TMEM132D: variants seen among roughly 807,000 people sequenced by gnomAD.
TMEM132D encodes mature OL transmembrane protein.
In TMEM132D, 21 loss-of-function variants were observed where a neutral mutation model predicts 62.3. The ratio of observed to expected loss-of-function variants is 0.34; its 90% CI spans 0.24 to 0.49. The LOEUF (loss-of-function observed/expected upper bound fraction) is 0.49. TMEM132D is among the 20% of genes least tolerant of loss of function. The pLI is 0.99. For missense variants in TMEM132D, 1,346 were observed against 1,402.8 expected, an observed-to-expected ratio of 0.96 and a Z score of 0.65; for synonymous variants, 621 against 575.6, an observed-to-expected ratio of 1.08 and a Z score of -1.13.
At chr12:129,386,377 T>C (rs1327930670) in intron 3 of TMEM132D, among the ~76,000 whole-genome samples, 1 of 151,788 alleles carries the variant, frequency 6.6e-6, no homozygotes, top group Non-Finnish European at 1.5e-5. Flanking sequence ...TAACACCAGC[T>C]CCAATGCTAA....
chr12:129,255,832 A>T (rs1880386058), intron 4 of TMEM132D, among the ~76,000 whole-genome samples: 1 of 152,194 alleles, frequency 6.6e-6, no homozygotes, highest in African/African-American at 2.4e-5. Context: ...TCTTTTACAG[A>T]AGCATCAGGA....
chr12:129,882,975 G>T (rs1874646564), intron 1 of TMEM132D, among the ~76,000 whole-genome samples: 1 of 152,266 alleles, frequency 6.6e-6, no homozygotes, highest in East Asian at 1.9e-4. Context: ...ATAGAGAAAA[G>T]ATGTATGCTC....
At chr12:129,731,170 G>A (rs1869223101) in intron 1 of TMEM132D, among the ~76,000 whole-genome samples, 1 of 151,944 alleles carries the variant, frequency 6.6e-6, no homozygotes, top group African/African-American at 2.4e-5. Flanking sequence ...GCTTTGTACG[G>A]TCTGAATCAC....
intron 3 of TMEM132D, among the ~76,000 whole-genome samples, chr12:129,395,984 ATT>A (rs1871418542): frequency 6.8e-6 from 1 of 147,208 alleles, no homozygotes; most frequent in Non-Finnish European, 1.5e-5. Context: ...ATAAATATAT[ATT>A]ATATAAAGTA....
chr12:129,894,226 G>A (rs1807942341), intron 1 of TMEM132D, among the ~76,000 whole-genome samples: 3 of 152,218 alleles, frequency 2.0e-5, no homozygotes, highest in African/African-American at 4.8e-5. Context: ...GCAAGAGAGC[G>A]TGTGGAGGAC....
At chr12:129,361,965 A>G (rs1307363681) in intron 3 of TMEM132D, among the ~76,000 whole-genome samples, 1 of 152,210 alleles carries the variant, frequency 6.6e-6, no homozygotes, top group African/African-American at 2.4e-5. Flanking sequence ...TTCAAAATCA[A>G]TCAAAATTGA....
intron 3 of TMEM132D, among the ~76,000 whole-genome samples, chr12:129,488,954 C>A (rs1026836341): frequency 6.6e-6 from 1 of 152,176 alleles, no homozygotes; most frequent in Admixed American, 6.5e-5. Flanking sequence ...TTGTTCAGAG[C>A]AGCGGCAGTT....
intron 4 of TMEM132D, among the ~76,000 whole-genome samples, chr12:129,260,672 C>A (rs1043197906): frequency 1.3e-5 from 2 of 152,196 alleles, no homozygotes; most frequent in Non-Finnish European, 2.9e-5. Context: ...CACTCTCAAC[C>A]TTTCCCTGTG....
At chr12:129,356,546 G>A (rs1870055906) in intron 3 of TMEM132D, among the ~76,000 whole-genome samples, 2 of 151,544 alleles carry the variant, frequency 1.3e-5, no homozygotes, top group African/African-American at 2.4e-5. Context: ...GGCCGGGCTC[G>A]GTGACTCATG....
rs1870598264 is a variant in TMEM132D, at chr12:129,371,467, G to A, written c.1116-33650C>T. ...TGATATTGATGATGGTGGTAATGACGATGATGATGTGATAATGGTGATAAA... is the reference window on the plus strand; with the variant it reads ...TGATATTGATGATGGTGGTAATGACAATGATGATGTGATAATGGTGATAAA... On this transcript the variant is annotated intron_variant, in intron 3 of 8. Transcript: ENST00000422113. The surrounding 1 kb of genome is among the most constrained non-coding windows in gnomAD (Gnocchi z 4.3). Among the ~76,000 whole-genome samples, 4 of 152,020 alleles carry A rather than the reference G, an allele frequency of 2.6e-5. 1 individual carries two copies. The South Asian group carries it at 6.3e-4, about 24-fold the overall frequency.
At chr12:129,218,336 C>T (rs1879265768) in intron 4 of TMEM132D, among the ~76,000 whole-genome samples, 1 of 152,150 alleles carries the variant, frequency 6.6e-6, no homozygotes, top group Non-Finnish European at 1.5e-5. Context: ...GCGATTTCAT[C>T]GTTGTGTGAA....
intron 1 of TMEM132D, among the ~76,000 whole-genome samples, chr12:129,778,205 TA>T (rs1871007900): frequency 2.0e-5 from 3 of 149,682 alleles, no homozygotes; most frequent in African/African-American, 4.9e-5. Flanking sequence ...AAAACACAAA[TA>T]TTTTTTATTT....
At chr12:129,815,610 G>A (rs958105532) in intron 1 of TMEM132D, among the ~76,000 whole-genome samples, 11 of 152,238 alleles carry the variant, frequency 7.2e-5, no homozygotes, top group Non-Finnish European at 1.3e-4. Context: ...TTAGATGCAC[G>A]TGCAACAGAT....
chr12:129,708,643 A>T (rs1265142540), intron 1 of TMEM132D, among the ~76,000 whole-genome samples: 1 of 133,434 alleles, frequency 7.5e-6, no homozygotes, highest in Non-Finnish European at 1.5e-5. Flanking sequence ...ACACACACAC[A>T]CACACACACA....
At chr12:129,628,919 T>C (rs1284517958) in intron 2 of TMEM132D, among the ~76,000 whole-genome samples, 1 of 151,610 alleles carries the variant, frequency 6.6e-6, no homozygotes, top group African/African-American at 2.4e-5. Context: ...CCTTCATTTC[T>C]ATCTCTCTTT....
At chr12:129,491,579 T>C (rs1366585001) in intron 3 of TMEM132D, among the ~76,000 whole-genome samples, 2 of 152,318 alleles carry the variant, frequency 1.3e-5, no homozygotes, top group Non-Finnish European at 2.9e-5. Flanking sequence ...AAACTATGCA[T>C]TGAAGACACT....
chr12:129,541,490 C>T (rs1566104106), intron 2 of TMEM132D, among the ~76,000 whole-genome samples: 1 of 152,326 alleles, frequency 6.6e-6, no homozygotes, highest in South Asian at 2.1e-4. Flanking sequence ...CCCCTCAACA[C>T]ACCCTCCCAG....
chr12:129,327,891 C>T (rs2135648519), intron 4 of TMEM132D, among the ~76,000 whole-genome samples: 1 of 152,314 alleles, frequency 6.6e-6, no homozygotes, highest in Admixed American at 6.5e-5. Context: ...ATGTGCCATG[C>T]CTGATGGGGT....
At chr12:129,080,945 G>A (rs1202019683) in intron 7 of TMEM132D, among the ~76,000 whole-genome samples, 1 of 152,124 alleles carries the variant, frequency 6.6e-6, no homozygotes, top group Admixed American at 6.5e-5. Context: ...GAGACATATG[G>A]AGGCACAATC....
Sources: gnomAD v4.1 joint callset for allele counts (sites outside exome capture counted in the v4.1 genomes callset) on GRCh38, gnomAD v4.1.1 for gene constraint, Gnocchi (gnomAD v3.1) non-coding constraint, MANE v1.5 for transcripts, NCBI Gene and HGNC (gene_info 2026-07-23, HGNC 2026-07-21) for gene names.